The following XRCC3 variants were observed in gnomAD, a reference collection of about 807,000 sequenced individuals.
XRCC3 encodes X-ray repair cross complementing 3.
XRCC3 carries 34 observed loss-of-function variants against 29.2 expected under a neutral mutation model. The observed-to-expected ratio is 1.16, with a 90% CI of 0.88 to 1.55. The LOEUF (loss-of-function observed/expected upper bound fraction) is 1.55. XRCC3 is among the 40% of genes most tolerant of loss of function. The probability of loss-of-function intolerance (pLI) is 0.00; values close to 1 mark genes in which losing one functional copy is unlikely to be tolerated. For synonymous variants in XRCC3, 223 were observed against 211.3 expected, an observed-to-expected ratio of 1.06 and a Z score of -0.48; for missense variants, 463 against 467.6, an observed-to-expected ratio of 0.99 and a Z score of 0.09.
intron 4 of XRCC3, chr14:103,710,256 G>C (rs1296286207): frequency 6.6e-6 from 1 of 152,500 alleles, no homozygotes; most frequent in South Asian, 2.1e-4. Context: ...CCTGACAGCT[G>C]ATGTCACCCA....
At chr14:103,706,070 G>A (rs2083424610) in intron 6 of XRCC3, 1 of 324,872 alleles carries the variant, frequency 3.1e-6, no homozygotes, top group African/African-American at 2.2e-5. Flanking sequence ...CCTGTGGCGT[G>A]AGCAGACCCC....
At chr14:103,710,696 C>T (rs954546802) in intron 4 of XRCC3, 44 of 288,818 alleles carry the variant, frequency 1.5e-4, no homozygotes, top group African/African-American at 8.4e-4. Flanking sequence ...GAGCTGAGAT[C>T]GCACCACTGC....
intron 1 of XRCC3, chr14:103,714,024 C>T (rs988238223): frequency 1.3e-5 from 2 of 152,206 alleles, no homozygotes; most frequent in African/African-American, 2.4e-5. Context: ...AGGCAAACCT[C>T]GAACTCTCAC....
intron 7 of XRCC3, chr14:103,700,518 A>C: frequency 1.6e-6 from 1 of 615,244 alleles, no homozygotes; most frequent in East Asian, 3.1e-5. Context: ...GGCCAGATGG[A>C]GGCTGCTAAG....
intron 6 of XRCC3, chr14:103,706,021 C>A: frequency 3.8e-6 from 1 of 265,414 alleles, no homozygotes; most frequent in Non-Finnish European, 7.5e-6. Context: ...AGGCACCTGA[C>A]AAGAGGGTGC....
At chr14:103,715,169 G>A (rs2083770209) in intron 1 of XRCC3, among the ~76,000 whole-genome samples, 1 of 152,106 alleles carries the variant, frequency 6.6e-6, no homozygotes, top group Non-Finnish European at 1.5e-5. Context: ...CCCGGAGACC[G>A]CCTTCCCCGC....
At chr14:103,714,466 G>GAAAA (rs551539800) in intron 1 of XRCC3, among the ~76,000 whole-genome samples, 1 of 97,868 alleles carries the variant, frequency 1.0e-5, no homozygotes, top group Non-Finnish European at 2.1e-5. Flanking sequence ...ACTCTCTACC[G>GAAAA]AAAAAAAAAA....
chr14:103,707,309 T>A, intron 5 of XRCC3, 94 bp from the exon 6 acceptor site: 1 of 1,463,972 alleles, frequency 6.8e-7, no homozygotes, highest in African/African-American at 1.4e-5. Context: ...CTGTGCCAGG[T>A]GCAGTGTGGC....
At position 103,699,031 on chromosome 14, in the gene XRCC3, A is replaced by G; in HGVS notation, c.822-14T>C. The stretch of plus-strand genomic sequence containing the variant: ...TCGTCCCAGAACCTGAGAAACAGGA[A>G]GCAGGCAAGCTGGCGCTCAGGCTTG... On this transcript the variant is annotated splice_polypyrimidine_tract_variant and intron_variant, in intron 9 of 9. Coordinates refer to ENST00000555055, the MANE Select transcript of XRCC3 (RefSeq NM_005432.4). 6.3e-7 allele frequency: 1 copy of G among 1,575,742 alleles called. No homozygotes were observed. Among genetic ancestry groups the G allele is most frequent in the Non-Finnish European group, 8.6e-7 (1 of 1,160,366 alleles).
chr14:103,709,119 T>A (rs2083540654), intron 4 of XRCC3: 1 of 311,108 alleles, frequency 3.2e-6, no homozygotes, highest in South Asian at 2.8e-5. Flanking sequence ...ACATGTGCCC[T>A]GGGGAGGGGA....
At position 103,698,699 on chromosome 14, in the gene XRCC3, G is replaced by T; in HGVS notation, c.*99C>A. The T allele has an allele frequency of 8.9e-7, 1 of 1,117,356 alleles. No individual in the cohort carries two copies. Among genetic ancestry groups the T allele is most frequent in the Non-Finnish European group, 1.3e-6 (1 of 757,234 alleles). 69.2% of individuals were successfully genotyped at this position (1,117,356 alleles called of 1,614,324 possible). On this transcript the variant is annotated 3_prime_UTR_variant, in exon 10 of 10. Coordinates refer to ENST00000555055, the MANE Select transcript of XRCC3 (RefSeq NM_005432.4). The stretch of plus-strand genomic sequence containing the variant: ...CCTGGAAGAGCTGTGTCTGAACCAG[G>T]CTCCCAGCTGTGCCACGGCCCAGGC...
At chr14:103,708,195 G>T in intron 5 of XRCC3, 1 of 414,664 alleles carries the variant, frequency 2.4e-6, no homozygotes, top group Non-Finnish European at 4.6e-6. Flanking sequence ...ATCTCACACC[G>T]TTCCCACCCT....
chr14:103,701,105 G>A lies in XRCC3; in HGVS notation c.562-1529C>T, dbSNP rs954027834. The A allele has an allele frequency of 3.5e-6, 5 of 1,446,560 alleles. No homozygotes were observed. In the Admixed American group the frequency reaches 9.9e-5, roughly 29 times the overall value. The allele number at this position is 1,446,560 out of a possible 1,614,324, so 89.6% of individuals were successfully genotyped here. The stretch of plus-strand genomic sequence containing the variant: ...ACACCCTCTTCTCTAGGCAGACTTG[G>A]GGTGGGGGTTCCCCAGAGAGCTGTT... On this transcript the variant is annotated intron_variant, in intron 7 of 9. Transcript: ENST00000555055.
At position 103,699,589 on chromosome 14, in the gene XRCC3, C is replaced by G; in HGVS notation, c.562-13G>C. 1 of 1,613,056 alleles carries G rather than the reference C, an allele frequency of 6.2e-7. No homozygotes were observed. Among genetic ancestry groups the G allele is most frequent in the Non-Finnish European group, 8.5e-7 (1 of 1,179,720 alleles). ...CCAACAAGGTGTCCTGTGGGGACAG[C>G]TGTCATTGTCTATGCTGGTCAGCAA... On this transcript the variant is annotated splice_polypyrimidine_tract_variant and intron_variant, in intron 7 of 9. Transcript: ENST00000555055.
chr14:103,708,412 C>T, intron 5 of XRCC3, 110 bp downstream of exon 5: 4 of 1,519,120 alleles, frequency 2.6e-6, no homozygotes, highest in Non-Finnish European at 3.6e-6. Flanking sequence ...CTGCCACACG[C>T]CCTGAGGCTG....
chr14:103,714,433 G>A (rs2083732880), intron 1 of XRCC3, among the ~76,000 whole-genome samples: 1 of 146,648 alleles, frequency 6.8e-6, no homozygotes, highest in South Asian at 2.1e-4. Flanking sequence ...TTCAAGACCA[G>A]CCTGGGCAAC....
In XRCC3 at chr14:103,714,661, T is replaced by C. The variant is rs868231512; in HGVS notation, c.-318+763A>G. 3.9e-5 allele frequency among the ~76,000 whole-genome samples: 6 copies of C among 152,186 alleles called. No homozygotes were observed. In the South Asian group the frequency reaches 1.0e-3, roughly 26 times the overall value. On this transcript the variant is annotated intron_variant, in intron 1 of 9. Coordinates refer to ENST00000555055, the MANE Select transcript of XRCC3 (RefSeq NM_005432.4). ...TTGTAATAAGGAATTAAAGGCAGGA[T>C]GAACAAACATTTTCTTCTTTTTTTT...
In XRCC3 at chr14:103,704,782, G is replaced by T. The variant is rs189396166; in HGVS notation, c.407-1455C>A. On this transcript the variant is annotated intron_variant, in intron 6 of 9. Coordinates refer to ENST00000555055, the MANE Select transcript of XRCC3 (RefSeq NM_005432.4). ...ACATCTCAATTTAAAAAACAGGAAG[G>T]CTTAGGGGGACTGATTTGAGTAATA... 4 of 152,312 alleles carry T rather than the reference G, an allele frequency of 2.6e-5. No individual in the cohort carries two copies. The East Asian group carries it at 7.7e-4, about 29-fold the overall frequency. The allele number at this position is 152,312 out of a possible 1,614,324, so 9.4% of individuals were successfully genotyped here.
In XRCC3 at chr14:103,711,132, G is replaced by C. The variant is rs778350647; in HGVS notation, c.-45C>G. 1 of 1,607,720 alleles carries C rather than the reference G, an allele frequency of 6.2e-7. No individual in the cohort carries two copies. Among genetic ancestry groups the C allele is most frequent in the Admixed American group, 1.7e-5 (1 of 60,026 alleles). On this transcript the variant is annotated 5_prime_UTR_variant, in exon 4 of 10. Transcript: ENST00000555055. ...CCAGGATGAATAACTTCCCAGGAAAGACAGAACAATGGATGCAAATTCTGA... is the reference window on the plus strand; with the variant it reads ...CCAGGATGAATAACTTCCCAGGAAACACAGAACAATGGATGCAAATTCTGA...
Sources: gnomAD v4.1 joint callset for allele counts (sites outside exome capture counted in the v4.1 genomes callset) on GRCh38, gnomAD v4.1.1 for gene constraint, MANE v1.5 for transcripts, NCBI Gene and HGNC (gene_info 2026-07-23, HGNC 2026-07-21) for gene names.